The following ZNF385D variants were observed in gnomAD, a reference collection of about 807,000 sequenced individuals.
ZNF385D encodes zinc finger protein 385D, also known as zinc finger protein 659.
A neutral mutation model predicts 35.8 loss-of-function variants in ZNF385D; 15 were observed. That is an observed-to-expected ratio of 0.42 (90% CI 0.28 to 0.64). ZNF385D has a LOEUF of 0.64. ZNF385D is among the 30% of genes least tolerant of loss of function. The pLI is 0.23. For missense variants in ZNF385D, 474 were observed against 494.6 expected, an observed-to-expected ratio of 0.96 and a Z score of 0.39; for synonymous variants, 212 against 186.8, an observed-to-expected ratio of 1.13 and a Z score of -1.10.
chr3:21,680,965 C>T (rs1448471692), intron 1 of ZNF385D, among the ~76,000 whole-genome samples: 5 of 152,144 alleles, frequency 3.3e-5, no homozygotes, highest in Admixed American at 2.0e-4. Flanking sequence ...TCAACGGCTG[C>T]TGCCACAAGG....
intron 1 of ZNF385D, among the ~76,000 whole-genome samples, chr3:21,746,448 T>C (rs1214868242): frequency 1.3e-5 from 2 of 152,240 alleles, no homozygotes; most frequent in Non-Finnish European, 2.9e-5. Flanking sequence ...AAGAAATCTT[T>C]ATGGCTTTTA....
intron 3 of ZNF385D, among the ~76,000 whole-genome samples, chr3:22,081,369 C>T (rs565480711): frequency 6.6e-6 from 1 of 152,234 alleles, no homozygotes; most frequent in East Asian, 1.9e-4. Flanking sequence ...GCTGCTCAGC[C>T]TCCATGTCCT....
intron 2 of ZNF385D, among the ~76,000 whole-genome samples, chr3:21,628,989 CAAT>C (rs1160397616): frequency 2.0e-5 from 3 of 151,990 alleles, no homozygotes; most frequent in Non-Finnish European, 4.4e-5. Context: ...GCAAGACCAA[CAAT>C]TTTTTACAAA....
At chr3:22,187,728 G>A (rs753572947) in intron 2 of ZNF385D, among the ~76,000 whole-genome samples, 1 of 152,116 alleles carries the variant, frequency 6.6e-6, no homozygotes, top group Admixed American at 6.6e-5. Flanking sequence ...TATAACTTGT[G>A]GAGTAAAATA....
At chr3:21,485,747 T>C (rs1005602288) in intron 4 of ZNF385D, among the ~76,000 whole-genome samples, 1 of 152,148 alleles carries the variant, frequency 6.6e-6, no homozygotes, top group Non-Finnish European at 1.5e-5. Context: ...GCAGGCCTTA[T>C]GTTAGAGGCC....
chr3:21,976,176 G>C (rs1703612441), intron 3 of ZNF385D, among the ~76,000 whole-genome samples: 2 of 152,074 alleles, frequency 1.3e-5, no homozygotes, highest in African/African-American at 4.8e-5. Flanking sequence ...ACCTCTTCTT[G>C]GCCTGCCAGA....
At chr3:22,122,856 G>T (rs1424462421) in intron 3 of ZNF385D, among the ~76,000 whole-genome samples, 1 of 152,160 alleles carries the variant, frequency 6.6e-6, no homozygotes, top group African/African-American at 2.4e-5. Context: ...TAGAAATCAA[G>T]CTTCCTTTGC....
At chr3:21,587,126 C>T (rs28625100) in intron 2 of ZNF385D, among the ~76,000 whole-genome samples, 29,073 of 152,106 alleles carry the variant, frequency 0.19, 2,982 homozygotes, top group East Asian at 0.28. Flanking sequence ...GATTGGGACA[C>T]GCAGATGAAT....
intron 3 of ZNF385D, among the ~76,000 whole-genome samples, chr3:21,905,046 CT>C (rs1699604537): frequency 6.6e-6 from 1 of 151,470 alleles, no homozygotes. Context: ...ATTAAAATAC[CT>C]TTCACTGTAA....
At chr3:22,267,658 T>C (rs2125355801) in intron 2 of ZNF385D, among the ~76,000 whole-genome samples, 1 of 152,056 alleles carries the variant, frequency 6.6e-6, no homozygotes, top group East Asian at 1.9e-4. Flanking sequence ...CACTTTTCTT[T>C]GTCATGTAAA....
At position 22,201,102 on chromosome 3, in the gene ZNF385D, T is replaced by C. The variant is rs192027507; in HGVS notation, c.107-32067A>G. ...GCATAGGAAATCACAAGGGTATTGA[T>C]TGGGGAAGTGATAAGTGTCCATGAA... is the stretch of plus-strand genomic sequence containing the variant. On this transcript the variant is annotated intron_variant, in intron 2 of 5. Transcript: ENST00000494108. 7.0e-3 allele frequency among the ~76,000 whole-genome samples: 1,070 copies of C among 152,178 alleles called. 4 individuals are homozygous for C. The highest frequency in any genetic ancestry group is 0.012 in the Non-Finnish European group (827 of 67,994).
chr3:22,289,624 G>A (rs184865966), intron 2 of ZNF385D, among the ~76,000 whole-genome samples: 231 of 152,232 alleles, frequency 1.5e-3, no homozygotes, highest in African/African-American at 5.3e-3. Context: ...GGAGGTTTAG[G>A]CCTTGGGAAT....
At chr3:22,141,945 C>A (rs1199343276) in intron 3 of ZNF385D, among the ~76,000 whole-genome samples, 3 of 152,146 alleles carry the variant, frequency 2.0e-5, no homozygotes, top group Non-Finnish European at 4.4e-5. Flanking sequence ...TATTGGAAGA[C>A]AATGACTGAC....
chr3:21,692,680 C>G (rs769454704), intron 1 of ZNF385D, among the ~76,000 whole-genome samples: 10 of 152,208 alleles, frequency 6.6e-5, no homozygotes, highest in Non-Finnish European at 1.2e-4. Flanking sequence ...ACCTATCCCT[C>G]CCAAAGAGTG....
intron 3 of ZNF385D, among the ~76,000 whole-genome samples, chr3:22,141,888 C>T (rs979071837): frequency 6.6e-6 from 1 of 152,214 alleles, no homozygotes; most frequent in East Asian, 1.9e-4. Context: ...ATCCCAAAGA[C>T]AGTACTGTTT....
At chr3:21,738,533 G>A (rs1308095640) in intron 1 of ZNF385D, among the ~76,000 whole-genome samples, 2 of 152,186 alleles carry the variant, frequency 1.3e-5, no homozygotes, top group African/African-American at 2.4e-5. Context: ...AGTAGGGTGA[G>A]TTGCCATTAT....
intron 2 of ZNF385D, among the ~76,000 whole-genome samples, chr3:22,222,981 T>C (rs1266534158): frequency 6.6e-6 from 1 of 152,176 alleles, no homozygotes; most frequent in Non-Finnish European, 1.5e-5. Flanking sequence ...CCCTGAAGTC[T>C]CCCTTCATCC....
intron 3 of ZNF385D, among the ~76,000 whole-genome samples, chr3:21,976,437 T>C (rs186363111): frequency 3.9e-5 from 6 of 152,040 alleles, no homozygotes; most frequent in Admixed American, 2.0e-4. Flanking sequence ...ATTGAAAAAA[T>C]ACAATAACTA....
intron 3 of ZNF385D, among the ~76,000 whole-genome samples, chr3:21,808,470 G>A (rs964500808): frequency 6.6e-6 from 1 of 152,162 alleles, no homozygotes; most frequent in Non-Finnish European, 1.5e-5. Context: ...TCCAAGCAGA[G>A]ATGACACCCA....
Sources: allele counts gnomAD v4.1 joint callset (sites outside exome capture counted in the v4.1 genomes callset), GRCh38; gene constraint gnomAD v4.1.1; transcripts MANE v1.5; gene names NCBI Gene and HGNC (gene_info 2026-07-23, HGNC 2026-07-21).